Variants in DYNLRB1 observed in about 807,000 individuals in gnomAD.
The protein encoded by DYNLRB1 is dynein light chain roadblock-type 1.
Under a neutral mutation model 13.5 loss-of-function variants are expected in DYNLRB1, and 6 were observed. That is an observed-to-expected ratio of 0.44 (90% CI 0.24 to 0.88). The LOEUF is 0.88. Among genes scored for constraint, DYNLRB1 ranks in the 40% least tolerant of loss-of-function variants. The pLI, the probability that DYNLRB1 is intolerant of heterozygous loss-of-function variation, is 0.21. For synonymous variants in DYNLRB1, 43 were observed against 45.0 expected, an observed-to-expected ratio of 0.96 and a Z score of 0.18; for missense variants, 93 against 127.2, an observed-to-expected ratio of 0.73 and a Z score of 1.29.
At chr20:34,524,436 A>C (rs1448395858) in intron 1 of DYNLRB1, among the ~76,000 whole-genome samples, 1 of 152,172 alleles carries the variant, frequency 6.6e-6, no homozygotes, top group Non-Finnish European at 1.5e-5. Flanking sequence ...TTCTTTCTGC[A>C]TTCTGCTATT....
chr20:34,527,305 C>T (rs1160582219), intron 2 of DYNLRB1, among the ~76,000 whole-genome samples: 3 of 152,240 alleles, frequency 2.0e-5, no homozygotes, highest in Non-Finnish European at 4.4e-5. Context: ...AGTTTGAATT[C>T]TGCCTCATCT....
rs369101157 is a variant in DYNLRB1 at position 34,524,659 on chromosome 20, G to A, written c.4-1609G>A. Among the ~76,000 whole-genome samples the A allele has an allele frequency of 5.3e-5, 8 of 151,794 alleles. No individual in the cohort carries two copies. In the East Asian group the frequency reaches 7.7e-4, roughly 15 times the overall value. On this transcript the variant is annotated intron_variant, in intron 1 of 3. Coordinates refer to ENST00000357156, the MANE Select transcript of DYNLRB1 (RefSeq NM_014183.4). ...ATGACCCACTGCATTGTACTCTCACGTCCACAGAGCCCTGTCATTGTACCC... is the reference window on the plus strand; with the variant it reads ...ATGACCCACTGCATTGTACTCTCACATCCACAGAGCCCTGTCATTGTACCC...
chr20:34,535,863 A>T, intron 3 of DYNLRB1: 1 of 985,274 alleles, frequency 1.0e-6, no homozygotes, highest in Non-Finnish European at 1.2e-6. Context: ...GGACCTGGAT[A>T]AAGGAAGGCA....
intron 2 of DYNLRB1, 137 bp downstream of exon 2, chr20:34,526,480 G>C: frequency 2.6e-6 from 1 of 386,134 alleles, no homozygotes; most frequent in East Asian, 5.0e-5. Context: ...AACACCTCCA[G>C]TGTTCTTTTT....
At chr20:34,525,711 A>G (rs892741955) in intron 1 of DYNLRB1, among the ~76,000 whole-genome samples, 1 of 152,144 alleles carries the variant, frequency 6.6e-6, no homozygotes, top group Non-Finnish European at 1.5e-5. Context: ...GCCATATGCA[A>G]GAGTAGCCCA....
chr20:34,535,915 CAG>C, intron 3 of DYNLRB1: 2 of 985,284 alleles, frequency 2.0e-6, no homozygotes, highest in Non-Finnish European at 2.4e-6. Flanking sequence ...ACTGGCAACA[CAG>C]AGGGCAAGGA....
At chr20:34,525,494 G>A (rs1206495770) in intron 1 of DYNLRB1, among the ~76,000 whole-genome samples, 1 of 152,208 alleles carries the variant, frequency 6.6e-6, no homozygotes, top group East Asian at 1.9e-4. Flanking sequence ...GATCAGTAAA[G>A]GCTTCGCGGA....
At chr20:34,529,503 C>T (rs904923038) in intron 2 of DYNLRB1, among the ~76,000 whole-genome samples, 1 of 152,012 alleles carries the variant, frequency 6.6e-6, no homozygotes, top group Non-Finnish European at 1.5e-5. Context: ...CCGAGGCGGG[C>T]GTATCACCTG....
chr20:34,516,760 G>A, intron 1 of DYNLRB1: 1 of 1,549,858 alleles, frequency 6.5e-7, no homozygotes, highest in African/African-American at 1.4e-5. Flanking sequence ...TAGAGTTTTG[G>A]GGCCTTGGTG....
intron 2 of DYNLRB1, chr20:34,529,808 C>G: frequency 7.1e-7 from 1 of 1,400,904 alleles, no homozygotes; most frequent in East Asian, 2.8e-5. Flanking sequence ...TGCTCCCCAG[C>G]CCTGTCTAGT....
At chr20:34,516,656 G>A (rs1979221337) in intron 1 of DYNLRB1, 195 bp downstream of exon 1, 3 of 1,467,624 alleles carry the variant, frequency 2.0e-6, no homozygotes, top group Non-Finnish European at 2.7e-6. Context: ...CCGAGGCGGG[G>A]CCGCCGGATC....
At chr20:34,522,136 C>T (rs1284008686) in intron 1 of DYNLRB1, among the ~76,000 whole-genome samples, 1 of 152,186 alleles carries the variant, frequency 6.6e-6, no homozygotes, top group African/African-American at 2.4e-5. Flanking sequence ...AAGAATCTTG[C>T]TCACTTGTTT....
Position 34,516,652 on chromosome 20 carries a change from C to T in DYNLRB1, c.3+191C>T, listed in dbSNP as rs1475205030. On this transcript the variant is annotated intron_variant, in intron 1 of 3. Coordinates refer to ENST00000357156, the MANE Select transcript of DYNLRB1 (RefSeq NM_014183.4). Reference sequence around the variant, plus strand: ...GGAGGCCTCTAAAGCCTGACCGAGGCGGGGCCGCCGGATCCCGCTGCCCCT... The same window carrying T: ...GGAGGCCTCTAAAGCCTGACCGAGGTGGGGCCGCCGGATCCCGCTGCCCCT... The T allele has an allele frequency of 2.0e-6, 3 of 1,465,878 alleles. No homozygotes were observed. Among genetic ancestry groups the T allele is most frequent in the Middle Eastern group, 2.3e-4 (1 of 4,262 alleles). 90.8% of individuals were successfully genotyped at this position (1,465,878 alleles called of 1,614,324 possible).
At chr20:34,524,118 G>C (rs1357710915) in intron 1 of DYNLRB1, among the ~76,000 whole-genome samples, 2 of 152,110 alleles carry the variant, frequency 1.3e-5, no homozygotes, top group African/African-American at 2.4e-5. Context: ...GGGTTAAAAT[G>C]TTTTTAAATA....
At chr20:34,527,863 T>G (rs1165792853) in intron 2 of DYNLRB1, among the ~76,000 whole-genome samples, 2 of 152,156 alleles carry the variant, frequency 1.3e-5, no homozygotes, top group Non-Finnish European at 2.9e-5. Context: ...CTGTGGTCCT[T>G]AAACCCAGGG....
intron 1 of DYNLRB1, among the ~76,000 whole-genome samples, chr20:34,524,322 T>A (rs1816155838): frequency 1.3e-5 from 2 of 152,234 alleles, no homozygotes; most frequent in South Asian, 4.1e-4. Context: ...ACACCTTTTG[T>A]GATGGTATAA....
chr20:34,524,037 T>A (rs1979969366), intron 1 of DYNLRB1, among the ~76,000 whole-genome samples: 2 of 152,212 alleles, frequency 1.3e-5, no homozygotes, highest in Admixed American at 1.3e-4. Flanking sequence ...TACATCTTAT[T>A]CTGACAACAT....
rs1214472023 is a variant in DYNLRB1 at position 34,540,401 on chromosome 20, G to A, written c.248-180G>A. Among the ~76,000 whole-genome samples, 5 of 152,346 alleles carry A rather than the reference G, an allele frequency of 3.3e-5. No homozygotes were observed. In the East Asian group the frequency reaches 9.6e-4, roughly 29 times the overall value. ...GGCCCCTCTTGCAGGAGCCCCTGCA[G>A]GAATCTTAAAGGTTTATCTTCCGTT... On this transcript the variant is annotated intron_variant, in intron 3 of 3. Transcript: ENST00000357156.
chr20:34,533,344 G>C (rs1980859243), intron 2 of DYNLRB1, among the ~76,000 whole-genome samples: 1 of 152,206 alleles, frequency 6.6e-6, no homozygotes, highest in African/African-American at 2.4e-5. Context: ...TAGCAGTGCT[G>C]TTTACAAAGG....
Sources: gnomAD v4.1 joint callset for allele counts (sites outside exome capture counted in the v4.1 genomes callset) on GRCh38, gnomAD v4.1.1 for gene constraint, MANE v1.5 for transcripts, NCBI Gene and HGNC (gene_info 2026-07-23, HGNC 2026-07-21) for gene names.